PTPRN2: variants seen among roughly 807,000 people sequenced by gnomAD.
PTPRN2 encodes the protein receptor-type tyrosine-protein phosphatase N2.
In PTPRN2, 74 loss-of-function variants were observed where a neutral mutation model predicts 118.8. The ratio of observed to expected loss-of-function variants is 0.62; its 90% CI spans 0.52 to 0.76. The LOEUF is 0.76. Among genes scored for constraint, PTPRN2 ranks in the 30% least tolerant of loss-of-function variants. PTPRN2 has a pLI of 0.00. For missense variants in PTPRN2, 1,481 were observed against 1,394.4 expected (o/e 1.06, Z -0.99); for synonymous variants, 641 against 608.0 (o/e 1.05, Z -0.80).
At chr7:158,330,016 C>G (rs928437382) in intron 2 of PTPRN2, among the ~76,000 whole-genome samples, 7 of 148,528 alleles carry the variant, frequency 4.7e-5, no homozygotes, top group African/African-American at 1.8e-4. Flanking sequence ...CACACCCACA[C>G]TCTCACCATA....
rs79350159 is a variant in PTPRN2 at position 157,787,605 on chromosome 7, G to A, written c.1789-104668C>T. Among the ~76,000 whole-genome samples, 620 of 152,234 alleles carry A rather than the reference G, an allele frequency of 4.1e-3. 5 individuals carry two copies. Among genetic ancestry groups the A allele is most frequent in the African/African-American group, 0.014 (593 of 41,540 alleles). On this transcript the variant is annotated intron_variant, in intron 12 of 22. Transcript: ENST00000389418. This position sits in a 1 kb window ranked among gnomAD's most constrained non-coding sequence, Gnocchi z 5.3. Reference sequence around the variant, plus strand: ...CACAGAGAGAGAGGCAGAGGAGAGTGGCCGTGACCTGGAGGACAAGGACAT... The same window carrying A: ...CACAGAGAGAGAGGCAGAGGAGAGTAGCCGTGACCTGGAGGACAAGGACAT...
At chr7:158,471,965 T>C (rs1458761975) in intron 2 of PTPRN2, among the ~76,000 whole-genome samples, 1 of 151,964 alleles carries the variant, frequency 6.6e-6, no homozygotes, top group East Asian at 1.9e-4. Flanking sequence ...ACTCCAATCA[T>C]GCTTCCGGCC....
chr7:157,596,571 C>A lies in PTPRN2; in HGVS notation c.2419-1256G>T, dbSNP rs992575989. Among the ~76,000 whole-genome samples, 2 of 152,192 alleles carry A rather than the reference C, an allele frequency of 1.3e-5. No individual in the cohort carries two copies. The highest frequency in any genetic ancestry group is 4.8e-5 in the African/African-American group (2 of 41,438). On this transcript the variant is annotated intron_variant, in intron 16 of 22. Transcript: ENST00000389418. This position sits in a 1 kb window ranked among gnomAD's most constrained non-coding sequence, Gnocchi z 4.2. Reference sequence around the variant, plus strand: ...TGAGGGGCGTCAGATGGAGGTGGTTCTGTCTTCCAGAGGGCAAGCCCAGGC... The same window carrying A: ...TGAGGGGCGTCAGATGGAGGTGGTTATGTCTTCCAGAGGGCAAGCCCAGGC...
At chr7:158,468,788 C>T (rs902876306) in intron 2 of PTPRN2, among the ~76,000 whole-genome samples, 8 of 150,174 alleles carry the variant, frequency 5.3e-5, no homozygotes, top group Admixed American at 1.3e-4. Context: ...CACACACTCC[C>T]GGTGGAGCAA....
intron 4 of PTPRN2, among the ~76,000 whole-genome samples, chr7:158,204,180 G>A (rs1224543131): frequency 1.6e-5 from 2 of 121,994 alleles, no homozygotes; most frequent in East Asian, 4.9e-4. Flanking sequence ...AGAAGCAGCC[G>A]CCGCCCTCAG....
At position 158,097,143 on chromosome 7, in the gene PTPRN2, A is replaced by G. The variant is rs547582540; in HGVS notation, c.1643+13686T>C. Reference sequence around the variant, plus strand: ...CAAGACTAGGGGCAAAACAATCACAACTCTGCCCCCGGAAACTGAAACATA... The same window carrying G: ...CAAGACTAGGGGCAAAACAATCACAGCTCTGCCCCCGGAAACTGAAACATA... On this transcript the variant is annotated intron_variant, in intron 10 of 22. Coordinates refer to ENST00000389418, the MANE Select transcript of PTPRN2 (RefSeq NM_002847.5). Among the ~76,000 whole-genome samples, 189 of 151,890 alleles carry G rather than the reference A, an allele frequency of 1.2e-3. 1 individual carries two copies. The highest frequency in any genetic ancestry group is 4.4e-3 in the African/African-American group (184 of 41,420).
chr7:157,689,834 C>T (rs1227342230), intron 12 of PTPRN2, among the ~76,000 whole-genome samples: 1 of 152,128 alleles, frequency 6.6e-6, no homozygotes, highest in African/African-American at 2.4e-5. Context: ...CCTGCAGGCC[C>T]CCTCGGTTCC....
At chr7:157,718,341 T>C (rs1173408933) in intron 12 of PTPRN2, among the ~76,000 whole-genome samples, 1 of 152,220 alleles carries the variant, frequency 6.6e-6, no homozygotes, top group African/African-American at 2.4e-5. Flanking sequence ...AAGGCACTCA[T>C]GAATGAGCTC....
At chr7:157,895,157 T>G (rs1353108425) in intron 12 of PTPRN2, among the ~76,000 whole-genome samples, 2 of 150,694 alleles carry the variant, frequency 1.3e-5, no homozygotes, top group Non-Finnish European at 2.9e-5. Context: ...AGCCAGAGGG[T>G]CTGAACAAGA....
chr7:158,145,756 G>C (rs376300480), intron 6 of PTPRN2, among the ~76,000 whole-genome samples: 1 of 152,192 alleles, frequency 6.6e-6, no homozygotes, highest in Non-Finnish European at 1.5e-5. Context: ...CATCATTGCA[G>C]CTAGGACCTT....
chr7:157,840,920 C>T lies in PTPRN2; in HGVS notation c.1788+57753G>A, dbSNP rs180880382. Among the ~76,000 whole-genome samples the T allele has an allele frequency of 2.4e-3, 363 of 152,334 alleles. 2 individuals are homozygous for T. The highest frequency in any genetic ancestry group is 8.7e-3 in the South Asian group (42 of 4,830). On this transcript the variant is annotated intron_variant, in intron 12 of 22. Transcript: ENST00000389418. ...TCAGGCAGTGCCCAGGGAGAAGCACCGGCGGGGGCTGGAGCCACCACCTCA... is the reference window on the plus strand; with the variant it reads ...TCAGGCAGTGCCCAGGGAGAAGCACTGGCGGGGGCTGGAGCCACCACCTCA...
intron 12 of PTPRN2, among the ~76,000 whole-genome samples, chr7:157,746,832 G>T (rs1011773084): frequency 6.3e-4 from 96 of 152,380 alleles, no homozygotes; most frequent in South Asian, 6.2e-4. Flanking sequence ...CATGTGTTGA[G>T]GCCTGCATCC....
chr7:158,362,053 C>T (rs1403609360), intron 2 of PTPRN2, among the ~76,000 whole-genome samples: 2 of 152,240 alleles, frequency 1.3e-5, no homozygotes, highest in Non-Finnish European at 2.9e-5. Flanking sequence ...CCCGTCCCTG[C>T]ACCTGTGCTA....
intron 12 of PTPRN2, among the ~76,000 whole-genome samples, chr7:157,691,081 C>CA (rs1554524139): frequency 5.1e-5 from 6 of 117,040 alleles, no homozygotes; most frequent in Admixed American, 8.1e-5. Context: ...CCCCCCCCCC[C>CA]ACATGTTGCT....
In PTPRN2 at chr7:157,986,456, G is replaced by C. The variant is rs1803798834; in HGVS notation, c.1724-87719C>G. ...TCACCGTGGTCAGTGGCAGAGGTGGGGCTGGAGGTCAGAACTGGCTGCATC... is the reference window on the plus strand; with the variant it reads ...TCACCGTGGTCAGTGGCAGAGGTGGCGCTGGAGGTCAGAACTGGCTGCATC... On this transcript the variant is annotated intron_variant, in intron 11 of 22. Coordinates refer to ENST00000389418, the MANE Select transcript of PTPRN2 (RefSeq NM_002847.5). This position sits in a 1 kb window ranked among gnomAD's most constrained non-coding sequence, Gnocchi z 4.5. Among the ~76,000 whole-genome samples, 1 of 152,102 alleles carries C rather than the reference G, an allele frequency of 6.6e-6. No homozygotes were observed. The highest frequency in any genetic ancestry group is 6.6e-5 in the Admixed American group (1 of 15,264).
intron 6 of PTPRN2, among the ~76,000 whole-genome samples, chr7:158,143,991 C>T (rs1819640758): frequency 1.3e-5 from 2 of 152,222 alleles, no homozygotes; most frequent in South Asian, 2.1e-4. Context: ...CCTGCCCAGA[C>T]GACCCCACTG....
rs186231420 is a variant in PTPRN2, at chr7:157,849,665, G to A, written c.1788+49008C>T. ...CATCTAAATGGGCAGTCTGGGTCCC[G>A]CATCCTGGCCAGGGACATTTACGGG... On this transcript the variant is annotated intron_variant, in intron 12 of 22. Transcript: ENST00000389418. Among the ~76,000 whole-genome samples, 152 of 152,242 alleles carry A rather than the reference G, an allele frequency of 1.0e-3. 1 individual carries two copies. In the East Asian group the frequency reaches 0.027, roughly 27 times the overall value.
In PTPRN2 at chr7:157,690,869, C is replaced by T. The variant is rs1438558514; in HGVS notation, c.1789-7932G>A. ...CTCCGCGTGCTCCGCCCCGGCCCGG[C>T]CCCCGGGCTAGGCACGCTGGGCCGG... On this transcript the variant is annotated intron_variant, in intron 12 of 22. Transcript: ENST00000389418. The surrounding 1 kb of genome is among the most constrained non-coding windows in gnomAD (Gnocchi z 7.1). Among the ~76,000 whole-genome samples the T allele has an allele frequency of 3.4e-5, 5 of 146,702 alleles. No individual in the cohort carries two copies. Among genetic ancestry groups the T allele is most frequent in the Non-Finnish European group, 7.6e-5 (5 of 65,930 alleles).
At chr7:158,262,387 TCACACACACTG>T (rs1220601955) in intron 3 of PTPRN2, among the ~76,000 whole-genome samples, 1 of 126,786 alleles carries the variant, frequency 7.9e-6, no homozygotes, top group Non-Finnish European at 1.6e-5. Flanking sequence ...ATACACACAT[TCACACACACTG>T]CACACACACA....
Sources: allele counts gnomAD v4.1 joint callset (sites outside exome capture counted in the v4.1 genomes callset), GRCh38; gene constraint gnomAD v4.1.1; non-coding constraint Gnocchi (gnomAD v3.1); transcripts MANE v1.5; gene names NCBI Gene and HGNC (gene_info 2026-07-23, HGNC 2026-07-21).